Variants in RBFOX1 observed in about 807,000 individuals in gnomAD.
RBFOX1 encodes the protein RNA binding protein fox-1 homolog 1.
A neutral mutation model predicts 57.7 loss-of-function variants in RBFOX1; 8 were observed. The ratio of observed to expected loss-of-function variants is 0.14; its 90% CI spans 0.08 to 0.25. The LOEUF is 0.25. Ranked by LOEUF, RBFOX1 falls within the 10% of genes least tolerant of loss-of-function variation. RBFOX1 has a pLI of 1.00. For synonymous variants in RBFOX1, 326 were observed against 222.4 expected, an observed-to-expected ratio of 1.47 and a Z score of -4.15; for missense variants, 611 against 548.5, an observed-to-expected ratio of 1.11 and a Z score of -1.14.
chr16:5,548,170 AAAAAATATATATATATATAT>A (rs1244166155), intron 2 of RBFOX1, among the ~76,000 whole-genome samples: 5 of 40,714 alleles, frequency 1.2e-4, no homozygotes, highest in Admixed American at 3.8e-4. Context: ...AAAAAAAAAA[AAAAAATATATATATATATAT>A]ATATATATAT....
At chr16:6,654,551 AGTCTGACTCCT>A in intron 2 of RBFOX1, 41 bp from the exon 3 acceptor site, 1 of 1,392,626 alleles carries the variant, frequency 7.2e-7, no homozygotes, top group South Asian at 1.4e-5. Flanking sequence ...TCTGACCATA[AGTCTGACTCCT>A]GTTCTTTCTC....
At chr16:6,203,877 C>G (rs7191142) in intron 1 of RBFOX1, among the ~76,000 whole-genome samples, 47,088 of 151,950 alleles carry the variant, frequency 0.31, 7,936 homozygotes, top group African/African-American at 0.42. Flanking sequence ...TTGTGTATCT[C>G]AAGGCAAAGC....
intron 1 of RBFOX1, among the ~76,000 whole-genome samples, chr16:6,309,441 C>T (rs1055344888): frequency 1.4e-4 from 21 of 152,140 alleles, no homozygotes; most frequent in African/African-American, 5.1e-4. Context: ...CCCAAACTTG[C>T]CCCTTGGGTT....
At chr16:7,102,530 A>T (rs1031016943) in intron 4 of RBFOX1, among the ~76,000 whole-genome samples, 1 of 152,208 alleles carries the variant, frequency 6.6e-6, no homozygotes, top group Non-Finnish European at 1.5e-5. Context: ...TTACTGCTTC[A>T]TTAAATTCCC....
intron 3 of RBFOX1, among the ~76,000 whole-genome samples, chr16:6,738,715 C>A (rs1020071693): frequency 6.6e-6 from 1 of 152,044 alleles, no homozygotes; most frequent in African/African-American, 2.4e-5. Flanking sequence ...GAGCATATAC[C>A]TTGAGAGACC....
At chr16:6,769,764 A>T in intron 3 of RBFOX1, among the ~76,000 whole-genome samples, 1 of 152,190 alleles carries the variant, frequency 6.6e-6, no homozygotes, top group Non-Finnish European at 1.5e-5. Flanking sequence ...AAGGCATGAG[A>T]TGTGTTCTAA....
At chr16:5,445,389 T>C (rs1433739262) in intron 1 of RBFOX1, among the ~76,000 whole-genome samples, 1 of 152,218 alleles carries the variant, frequency 6.6e-6, no homozygotes, top group Non-Finnish European at 1.5e-5. Context: ...TTTGCTTGAC[T>C]GTGAGCTCCC....
intron 3 of RBFOX1, among the ~76,000 whole-genome samples, chr16:6,710,746 A>G (rs1326036527): frequency 2.0e-5 from 3 of 152,244 alleles, no homozygotes; most frequent in Admixed American, 1.3e-4. Flanking sequence ...TGGCAGGAAA[A>G]TGGCCCTTGG....
intron 3 of RBFOX1, among the ~76,000 whole-genome samples, chr16:7,008,384 A>T (rs761621565): frequency 1.2e-4 from 18 of 152,016 alleles, no homozygotes; most frequent in Non-Finnish European, 2.5e-4. Flanking sequence ...TCTACTAAAA[A>T]TACAAAAATT....
intron 4 of RBFOX1, among the ~76,000 whole-genome samples, chr16:7,457,320 G>T (rs1478726422): frequency 1.3e-5 from 2 of 152,200 alleles, no homozygotes; most frequent in African/African-American, 4.8e-5. Flanking sequence ...TGTCCTGGGT[G>T]CTGGGCCTCC....
chr16:5,759,590 C>G (rs1368433679), intron 3 of RBFOX1, among the ~76,000 whole-genome samples: 1 of 152,214 alleles, frequency 6.6e-6, no homozygotes, highest in African/African-American at 2.4e-5. Context: ...ACATGAGGTT[C>G]CTTTTGCCGC....
chr16:6,210,329 CAAAAAAA>C (rs2097285386), intron 1 of RBFOX1, among the ~76,000 whole-genome samples: 1 of 16,400 alleles, frequency 6.1e-5, no homozygotes, highest in Non-Finnish European at 1.2e-4. Flanking sequence ...AAAAAAAAAA[CAAAAAAA>C]CAAAAAAACA....
Position 7,711,483 on chromosome 16 carries a change from C to T in RBFOX1, c.*738C>T, listed in dbSNP as rs1225548297. ...ACCCACTAGTTAGGCCATCAACAAG[C>T]ATTCTTTTTATATTTCTTCCAGTAT... On this transcript the variant is annotated 3_prime_UTR_variant, in exon 16 of 16. Coordinates refer to ENST00000550418, the MANE Select transcript of RBFOX1 (RefSeq NM_018723.4). 2 of 152,510 alleles carry T rather than the reference C, an allele frequency of 1.3e-5. No homozygotes were observed. The highest frequency in any genetic ancestry group is 3.8e-4 in the East Asian group (2 of 5,196). The allele number at this position is 152,510 out of a possible 1,614,324, so 9.4% of individuals were successfully genotyped here.
intron 4 of RBFOX1, among the ~76,000 whole-genome samples, chr16:7,509,572 G>C (rs923954443): frequency 2.0e-5 from 3 of 152,134 alleles, no homozygotes; most frequent in African/African-American, 7.2e-5. Context: ...ACTTGTCTAA[G>C]ATTACACAGC....
chr16:5,361,806 C>T (rs1465650190), intron 1 of RBFOX1, among the ~76,000 whole-genome samples: 1 of 152,184 alleles, frequency 6.6e-6, no homozygotes, highest in Non-Finnish European at 1.5e-5. Context: ...TCACACACAG[C>T]AAGAAAAGTT....
At chr16:5,295,513 G>T (rs1486002131) in intron 1 of RBFOX1, among the ~76,000 whole-genome samples, 4 of 152,260 alleles carry the variant, frequency 2.6e-5, no homozygotes, top group South Asian at 4.1e-4. Context: ...GGCTTGACGG[G>T]TGATTGATCT....
At chr16:5,614,161 G>A (rs954602863) in intron 3 of RBFOX1, among the ~76,000 whole-genome samples, 1 of 152,172 alleles carries the variant, frequency 6.6e-6, no homozygotes, top group Non-Finnish European at 1.5e-5. Context: ...GGATCAGGTG[G>A]TTGGGGGATC....
intron 3 of RBFOX1, among the ~76,000 whole-genome samples, chr16:5,766,471 G>C (rs948190289): frequency 2.6e-4 from 39 of 152,124 alleles, no homozygotes; most frequent in African/African-American, 9.2e-4. Flanking sequence ...TGTAGTACCA[G>C]CTACTTGGGA....
intron 2 of RBFOX1, among the ~76,000 whole-genome samples, chr16:5,583,786 C>G (rs1231599607): frequency 1.3e-5 from 2 of 152,154 alleles, no homozygotes; most frequent in African/African-American, 2.4e-5. Context: ...AAAACTGTGG[C>G]TCAGAGAAAT....
Sources: gnomAD v4.1 joint callset for allele counts (sites outside exome capture counted in the v4.1 genomes callset) on GRCh38, gnomAD v4.1.1 for gene constraint, MANE v1.5 for transcripts, NCBI Gene and HGNC (gene_info 2026-07-23, HGNC 2026-07-21) for gene names.